The following SLC24A2 variants were observed in gnomAD, a reference collection of about 807,000 sequenced individuals.
SLC24A2 encodes the protein sodium/potassium/calcium exchanger 2.
SLC24A2 carries 36 observed loss-of-function variants against 62.0 expected under a neutral mutation model. The ratio of observed to expected loss-of-function variants is 0.58; its 90% CI spans 0.44 to 0.77. The LOEUF (loss-of-function observed/expected upper bound fraction) is 0.77, where lower values mean the gene tolerates loss of function less well. Among genes scored for constraint, SLC24A2 ranks in the 30% least tolerant of loss-of-function variants. The pLI, the probability that SLC24A2 is intolerant of heterozygous loss-of-function variation, is 0.00. For missense variants in SLC24A2, 846 were observed against 817.9 expected, an observed-to-expected ratio of 1.03 and a Z score of -0.42; for synonymous variants, 358 against 294.0, an observed-to-expected ratio of 1.22 and a Z score of -2.23.
chr9:19,726,838 T>A (rs1270915372), intron 2 of SLC24A2, among the ~76,000 whole-genome samples: 2 of 152,226 alleles, frequency 1.3e-5, no homozygotes, highest in East Asian at 3.8e-4. Flanking sequence ...GCCTTTCTTT[T>A]CTTTTACACC....
At chr9:19,657,573 A>G (rs990880429) in intron 2 of SLC24A2, among the ~76,000 whole-genome samples, 3 of 151,608 alleles carry the variant, frequency 2.0e-5, no homozygotes, top group East Asian at 1.9e-4. Flanking sequence ...TTCTTTGAAC[A>G]GTTATACTTG....
the SLC24A2 span, among the ~76,000 whole-genome samples, chr9:19,818,492 G>T: frequency 6.6e-6 from 1 of 152,062 alleles, no homozygotes; most frequent in Non-Finnish European, 1.5e-5. Context: ...ATTGATAAAA[G>T]AATTCAGCAA....
the SLC24A2 span, among the ~76,000 whole-genome samples, chr9:20,258,523 T>A: frequency 1.3e-5 from 2 of 152,202 alleles, no homozygotes; most frequent in Admixed American, 1.3e-4. Flanking sequence ...CTGCTGTCTC[T>A]TCTGGAACCA....
the SLC24A2 span, among the ~76,000 whole-genome samples, chr9:20,040,464 G>T: frequency 5.3e-5 from 8 of 152,170 alleles, no homozygotes; most frequent in Non-Finnish European, 1.0e-4. Context: ...TAGGACTTCT[G>T]AGCTTACAGC....
the SLC24A2 span, among the ~76,000 whole-genome samples, chr9:20,147,828 T>A: frequency 6.6e-6 from 1 of 152,106 alleles, no homozygotes; most frequent in Admixed American, 6.6e-5. Context: ...AAGGCTTGAC[T>A]TCCTCATCCA....
chr9:19,699,311 C>A (rs1820288181), intron 2 of SLC24A2, among the ~76,000 whole-genome samples: 1 of 152,100 alleles, frequency 6.6e-6, no homozygotes, highest in South Asian at 2.1e-4. Context: ...TTTGTTTCTA[C>A]CTATCCATCT....
At chr9:19,712,233 C>A (rs567593937) in intron 2 of SLC24A2, among the ~76,000 whole-genome samples, 2 of 152,134 alleles carry the variant, frequency 1.3e-5, no homozygotes, top group Admixed American at 1.3e-4. Flanking sequence ...ACTGGAGGAA[C>A]TGAATGCTTA....
chr9:20,036,299 C>T, the SLC24A2 span, among the ~76,000 whole-genome samples: 15 of 152,092 alleles, frequency 9.9e-5, 1 homozygote, highest in African/African-American at 3.1e-4. Context: ...TTAACCTATC[C>T]GTTACCTCAA....
chr9:20,253,330 C>G, the SLC24A2 span, among the ~76,000 whole-genome samples: 1 of 152,216 alleles, frequency 6.6e-6, no homozygotes, highest in Non-Finnish European at 1.5e-5. Context: ...TCAAAGCATT[C>G]ATGAATGCAC....
At chr9:19,927,216 C>T in the SLC24A2 span, 1 of 152,484 alleles carries the variant, frequency 6.6e-6, no homozygotes, top group Non-Finnish European at 1.5e-5. Context: ...AGTCCCCAAC[C>T]TGTGGTCGCC....
At chr9:19,914,014 G>C in the SLC24A2 span, among the ~76,000 whole-genome samples, 1 of 152,004 alleles carries the variant, frequency 6.6e-6, no homozygotes, top group East Asian at 1.9e-4. Flanking sequence ...GCCCAATCTT[G>C]ATTAACTGGG....
the SLC24A2 span, among the ~76,000 whole-genome samples, chr9:20,009,338 T>C: frequency 4.7e-5 from 7 of 149,356 alleles, no homozygotes; most frequent in South Asian, 4.4e-4. Context: ...TGAGCTGAGA[T>C]TGGGTTGCTG....
the SLC24A2 span, among the ~76,000 whole-genome samples, chr9:20,123,216 T>G: frequency 1.3e-5 from 2 of 152,154 alleles, no homozygotes; most frequent in Non-Finnish European, 2.9e-5. Flanking sequence ...AAGCTAGCTC[T>G]GTGGGGTCCC....
chr9:19,526,252 T>C (rs1288548488), intron 9 of SLC24A2, among the ~76,000 whole-genome samples: 2 of 152,226 alleles, frequency 1.3e-5, no homozygotes, highest in Non-Finnish European at 2.9e-5. Flanking sequence ...CATTCATCAG[T>C]TGATGGACAT....
intron 4 of SLC24A2, among the ~76,000 whole-genome samples, chr9:19,605,556 CA>C (rs1453241699): frequency 2.0e-4 from 31 of 152,232 alleles, no homozygotes; most frequent in African/African-American, 7.5e-4. Flanking sequence ...ATAGGTATAC[CA>C]GGACCTGAAG....
the SLC24A2 span, among the ~76,000 whole-genome samples, chr9:19,853,886 G>C: frequency 2.0e-5 from 3 of 152,188 alleles, no homozygotes; most frequent in African/African-American, 2.4e-5. Flanking sequence ...AATGGTATCA[G>C]CTCCTCTTTG....
At chr9:19,795,157 A>G in the SLC24A2 span, among the ~76,000 whole-genome samples, 2 of 152,208 alleles carry the variant, frequency 1.3e-5, no homozygotes, top group African/African-American at 4.8e-5. Context: ...CAAGTTGTTC[A>G]GCTGGAACAA....
the SLC24A2 span, among the ~76,000 whole-genome samples, chr9:20,217,341 A>G: frequency 6.6e-6 from 1 of 152,198 alleles, no homozygotes; most frequent in Non-Finnish European, 1.5e-5. Context: ...AGAGGTTACA[A>G]GGAGGGTAGT....
the SLC24A2 span, among the ~76,000 whole-genome samples, chr9:19,819,319 CA>C: frequency 6.6e-6 from 1 of 152,096 alleles, no homozygotes; most frequent in Non-Finnish European, 1.5e-5. Context: ...AACCCCAAAG[CA>C]AATGCAATAA....
Sources: gnomAD v4.1 joint callset for allele counts (sites outside exome capture counted in the v4.1 genomes callset) on GRCh38, gnomAD v4.1.1 for gene constraint, MANE v1.5 for transcripts, NCBI Gene and HGNC (gene_info 2026-07-23, HGNC 2026-07-21) for gene names.